ANKRD42: variants seen among roughly 807,000 people sequenced by gnomAD.
ANKRD42 encodes the protein ankyrin repeat domain-containing protein 42.
ANKRD42 carries 43 observed loss-of-function variants against 51.5 expected under a neutral mutation model. The ratio of observed to expected loss-of-function variants is 0.83; its 90% confidence interval spans 0.65 to 1.08. The LOEUF is 1.08. ANKRD42 is among the 50% of genes least tolerant of loss of function. ANKRD42 has a pLI of 0.00. For missense variants in ANKRD42, 608 were observed against 629.3 expected, an observed-to-expected ratio of 0.97 and a Z score of 0.36; for synonymous variants, 203 against 213.0, an observed-to-expected ratio of 0.95 and a Z score of 0.41.
intron 3 of ANKRD42, 193 bp from the exon 4 acceptor site, chr11:83,210,107 C>CT (rs1300575468): frequency 4.2e-6 from 2 of 474,520 alleles, no homozygotes; most frequent in Non-Finnish European, 7.1e-6. Context: ...TTTTTGTAAT[C>CT]TAAAAAAAAA....
intron 11 of ANKRD42, chr11:83,255,786 A>G (rs1863760651): frequency 7.3e-7 from 1 of 1,367,772 alleles, no homozygotes; most frequent in Non-Finnish European, 9.8e-7. Context: ...CAATGTAGAA[A>G]GACGAAAATG....
At chr11:83,212,492 G>C (rs1407314200) in intron 5 of ANKRD42, among the ~76,000 whole-genome samples, 1 of 152,170 alleles carries the variant, frequency 6.6e-6, no homozygotes, top group African/African-American at 2.4e-5. Context: ...TGGAGACTTA[G>C]ACTCCACCTT....
chr11:83,209,632 G>T (rs758363982), intron 3 of ANKRD42: 4 of 835,822 alleles, frequency 4.8e-6, no homozygotes, highest in African/African-American at 3.3e-5. Flanking sequence ...AGAAGCCAAA[G>T]AAATGAAGCT....
At chr11:83,214,424 T>G in intron 5 of ANKRD42, 1 of 982,120 alleles carries the variant, frequency 1.0e-6, no homozygotes, top group South Asian at 4.7e-5. Flanking sequence ...TACTTGATCA[T>G]TTTTGTTGGT....
At chr11:83,245,157 G>A (rs1330964364) in intron 9 of ANKRD42, among the ~76,000 whole-genome samples, 1 of 152,170 alleles carries the variant, frequency 6.6e-6, no homozygotes, top group Non-Finnish European at 1.5e-5. Flanking sequence ...ACCCGCCTCG[G>A]CCTCCCAAAG....
intron 5 of ANKRD42, 130 bp from the exon 6 acceptor site, chr11:83,224,725 A>G: frequency 1.6e-6 from 1 of 630,418 alleles, no homozygotes; most frequent in Non-Finnish European, 2.4e-6. Flanking sequence ...TGGAGGCTAT[A>G]ATGAGCTATG....
chr11:83,264,114 T>C (rs556658089), downstream of ANKRD42, among the ~76,000 whole-genome samples: 1 of 152,320 alleles, frequency 6.6e-6, no homozygotes, highest in Non-Finnish European at 1.5e-5. Context: ...GTATGTGTAT[T>C]TACTCAAACG....
chr11:83,217,988 A>G (rs561792247), intron 5 of ANKRD42, among the ~76,000 whole-genome samples: 2 of 151,980 alleles, frequency 1.3e-5, no homozygotes, highest in African/African-American at 2.4e-5. Flanking sequence ...AATGCCTCCA[A>G]ATTTTCTTCT....
At chr11:83,212,322 C>G (rs1222170201) in intron 5 of ANKRD42, among the ~76,000 whole-genome samples, 1 of 152,184 alleles carries the variant, frequency 6.6e-6, no homozygotes, top group African/African-American at 2.4e-5. Flanking sequence ...CCTAAGAGAT[C>G]TGCCTGCCTT....
chr11:83,217,484 A>G (rs1200396629), intron 5 of ANKRD42, among the ~76,000 whole-genome samples: 1 of 152,210 alleles, frequency 6.6e-6, no homozygotes, highest in Non-Finnish European at 1.5e-5. Context: ...TCGGATAGTA[A>G]CAGACTTTGA....
chr11:83,206,179 T>G lies in ANKRD42; in HGVS notation c.330+14T>G. ...GCTTGTGTACAGGTAATAATATTACTTTTTTCAGTAAGTTCAATTACTTTA... is the reference window on the plus strand; with the variant it reads ...GCTTGTGTACAGGTAATAATATTACGTTTTTCAGTAAGTTCAATTACTTTA... On this transcript the variant is annotated intron_variant, in intron 3 of 10. Transcript: ENST00000533342. 1 of 1,578,202 alleles carries G rather than the reference T, an allele frequency of 6.3e-7. No homozygotes were observed. The highest frequency in any genetic ancestry group is 8.7e-7 in the Non-Finnish European group (1 of 1,150,124).
chr11:83,249,280 A>C (rs544320704), downstream of ANKRD42, among the ~76,000 whole-genome samples: 10 of 152,242 alleles, frequency 6.6e-5, no homozygotes, highest in Non-Finnish European at 1.5e-4. Flanking sequence ...ATCATAGGGC[A>C]CTGTAGCCTC....
chr11:83,210,345 G>C lies in ANKRD42; in HGVS notation c.376G>C (p.Gly126Arg). Reference protein sequence around the residue: ...GANLTAQDDRGCTPLHLAATH... With the variant: ...GANLTAQDDRRCTPLHLAATH... ...AAATCTGACAGCCCAGGATGACCGGGGATGCACTCCTTTACATCTTGCTGC... is the reference window on the plus strand; with the variant it reads ...AAATCTGACAGCCCAGGATGACCGGCGATGCACTCCTTTACATCTTGCTGC... The change falls in exon 4 of 11, where the codon GGA becomes CGA. Residue 126 changes from glycine (G) to arginine (R), a missense_variant. Transcript: ENST00000533342. The C allele has an allele frequency of 1.2e-6, 2 of 1,613,916 alleles. No individual in the cohort carries two copies. The highest frequency in any genetic ancestry group is 1.7e-6 in the Non-Finnish European group (2 of 1,179,866).
chr11:83,250,145 G>A (rs564293054), downstream of ANKRD42, among the ~76,000 whole-genome samples: 1 of 152,130 alleles, frequency 6.6e-6, no homozygotes, highest in African/African-American at 2.4e-5. Context: ...TTATAAATAC[G>A]GAATCCTCAA....
At chr11:83,201,699 C>G (rs1861877468) in intron 2 of ANKRD42, among the ~76,000 whole-genome samples, 1 of 152,202 alleles carries the variant, frequency 6.6e-6, no homozygotes, top group South Asian at 2.1e-4. Flanking sequence ...GTCATTCTAA[C>G]TGGTGTGAGA....
chr11:83,231,351 T>C (rs1863066691), intron 7 of ANKRD42, among the ~76,000 whole-genome samples: 1 of 152,242 alleles, frequency 6.6e-6, no homozygotes. Context: ...TTGCCATTTG[T>C]ATGTCTTCTT....
rs1319975459 is a variant in ANKRD42 at position 83,194,663 on chromosome 11, G to A, written c.-8G>A. The A allele has an allele frequency of 1.2e-6, 2 of 1,613,810 alleles. No individual in the cohort carries two copies. Among genetic ancestry groups the A allele is most frequent in the African/African-American group, 2.7e-5 (2 of 74,924 alleles). ...TCAACTCCTCCCCAGAGTCGGAGGT[G>A]TTGCGCCATGCCCGGGGTGGCCAAT... On this transcript the variant is annotated 5_prime_UTR_variant, in exon 1 of 11. Transcript: ENST00000533342.
At chr11:83,230,323 A>G (rs1194134439) in intron 7 of ANKRD42, among the ~76,000 whole-genome samples, 1 of 152,090 alleles carries the variant, frequency 6.6e-6, no homozygotes, top group Non-Finnish European at 1.5e-5. Flanking sequence ...AAGTGCTAGG[A>G]TTACAGGCAT....
At chr11:83,208,524 A>G (rs1238787046) in intron 3 of ANKRD42, among the ~76,000 whole-genome samples, 1 of 152,208 alleles carries the variant, frequency 6.6e-6, no homozygotes, top group Non-Finnish European at 1.5e-5. Flanking sequence ...AGGAAGAGTT[A>G]AGAAGATCAG....
Sources: allele counts gnomAD v4.1 joint callset (sites outside exome capture counted in the v4.1 genomes callset), GRCh38; gene constraint gnomAD v4.1.1; transcripts MANE v1.5; gene names NCBI Gene and HGNC (gene_info 2026-07-23, HGNC 2026-07-21).